The following SLC25A29 variants were observed in gnomAD, a reference collection of about 807,000 sequenced individuals.
SLC25A29 encodes the protein solute carrier family 25 member 29.
A neutral mutation model predicts 10.0 loss-of-function variants in SLC25A29; 13 were observed. The ratio of observed to expected loss-of-function variants is 1.30; its 90% CI spans 0.85 to 2.07. SLC25A29 has a LOEUF of 2.07. SLC25A29 is among the 30% of genes most tolerant of loss of function. SLC25A29 has a pLI of 0.00. For missense variants in SLC25A29, 475 were observed against 447.6 expected, an observed-to-expected ratio of 1.06 and a Z score of -0.55; for synonymous variants, 244 against 221.1, an observed-to-expected ratio of 1.10 and a Z score of -0.92.
At position 100,306,335 on chromosome 14, in the gene SLC25A29, G is replaced by T; in HGVS notation, c.-103C>A. On this transcript the variant is annotated 5_prime_UTR_variant, in exon 1 of 4. Transcript: ENST00000359232. ...TCCCCGAGCGCGCGGTGCCGGGGCT[G>T]GGCCTGGCCGCTCCTCCTGGCGCGG... The T allele has an allele frequency of 5.2e-6, 6 of 1,161,368 alleles. No individual in the cohort carries two copies. Among genetic ancestry groups the T allele is most frequent in the Non-Finnish European group, 6.5e-6 (6 of 918,326 alleles). The allele number at this position is 1,161,368 out of a possible 1,614,324, so 71.9% of individuals were successfully genotyped here.
chr14:100,303,665 C>T (rs544308567), intron 1 of SLC25A29, among the ~76,000 whole-genome samples: 1 of 152,302 alleles, frequency 6.6e-6, no homozygotes, highest in East Asian at 1.9e-4. Context: ...TCTGAGCGCA[C>T]GAGGAGGCCT....
At chr14:100,286,473 G>GGGC (rs1555371669), downstream of SLC25A29, among the ~76,000 whole-genome samples, 1 of 141,838 alleles carries the variant, frequency 7.1e-6, no homozygotes, top group African/African-American at 2.6e-5. Context: ...GCATGGCTGG[G>GGGC]GGGGGGGGTG....
At position 100,293,529 on chromosome 14, in the gene SLC25A29, C is replaced by T. The variant is rs937708615; in HGVS notation, c.79-152G>A. On this transcript the variant is annotated intron_variant, in intron 2 of 3. Coordinates refer to ENST00000359232, the MANE Select transcript of SLC25A29 (RefSeq NM_001039355.3). ...TTTGTAATTCCAGGGCAGGGTGGGC[C>T]GGGTATCTATGCCTTCTCAGGATGG... 60 of 605,504 alleles carry T rather than the reference C, an allele frequency of 9.9e-5. 1 individual carries two copies. In the Admixed American group the frequency reaches 1.3e-3, roughly 13 times the overall value. The allele number at this position is 605,504 out of a possible 1,614,324, so 37.5% of individuals were successfully genotyped here.
intron 2 of SLC25A29, chr14:100,295,274 G>C (rs1892060869): frequency 4.7e-6 from 1 of 214,850 alleles, no homozygotes; most frequent in African/African-American, 2.3e-5. Flanking sequence ...CTGTGGCCCA[G>C]TGTCCCAAGT....
At chr14:100,296,955 C>A (rs372838403) in intron 2 of SLC25A29, among the ~76,000 whole-genome samples, 2 of 151,708 alleles carry the variant, frequency 1.3e-5, no homozygotes, top group African/African-American at 4.8e-5. Flanking sequence ...AGTAGCCAGG[C>A]GTGCTGGCAC....
chr14:100,293,036 C>A lies in SLC25A29; in HGVS notation c.163-4G>T, dbSNP rs1294692236. On this transcript the variant is annotated splice_region_variant and splice_polypyrimidine_tract_variant and intron_variant, in intron 3 of 3. Coordinates refer to ENST00000359232, the MANE Select transcript of SLC25A29 (RefSeq NM_001039355.3). ...GGCCCTTGTACAGGCCCAGCACCTG[C>A]GGGGACAGAGACGCCATCAGAGCCG... 6 of 1,529,824 alleles carry A rather than the reference C, an allele frequency of 3.9e-6. No homozygotes were observed. Among genetic ancestry groups the A allele is most frequent in the Non-Finnish European group, 5.3e-6 (6 of 1,142,192 alleles). 94.8% of individuals were successfully genotyped at this position (1,529,824 alleles called of 1,614,324 possible).
At chr14:100,299,204 GCACA>G in intron 1 of SLC25A29, 1 of 1,240,070 alleles carries the variant, frequency 8.1e-7, no homozygotes, top group Admixed American at 4.0e-5. Flanking sequence ...CTGGGAGGCT[GCACA>G]CACTATTTCT....
chr14:100,304,721 G>A (rs570873121), intron 1 of SLC25A29, among the ~76,000 whole-genome samples: 275 of 152,334 alleles, frequency 1.8e-3, no homozygotes, highest in African/African-American at 6.3e-3. Context: ...GAGGCTGCGC[G>A]AGCGACGTGC....
rs575664537 is a variant in SLC25A29 at position 100,299,658 on chromosome 14, G to A, written c.35-773C>T. On this transcript the variant is annotated intron_variant, in intron 1 of 3. Coordinates refer to ENST00000359232, the MANE Select transcript of SLC25A29 (RefSeq NM_001039355.3). ...CCAGAGTCCTAAATGCTGTGCAGGT[G>A]GTAACCATCTCTGAGTCTTGCCACC... 16 of 985,446 alleles carry A rather than the reference G, an allele frequency of 1.6e-5. No homozygotes were observed. The African/African-American group carries it at 2.3e-4, about 14-fold the overall frequency. 61.0% of individuals were successfully genotyped at this position (985,446 alleles called of 1,614,324 possible).
the SLC25A29 span, chr14:100,282,853 CA>C: frequency 6.6e-6 from 1 of 152,226 alleles, no homozygotes; most frequent in Non-Finnish European, 1.5e-5. Context: ...TTTCACTGCA[CA>C]TGAAACCAGG....
At chr14:100,294,327 A>G (rs1484270698) in intron 2 of SLC25A29, 1 of 152,208 alleles carries the variant, frequency 6.6e-6, no homozygotes, top group Non-Finnish European at 1.5e-5. Context: ...AACCTCTTCC[A>G]TGTCAAAGTG....
At chr14:100,298,302 G>A (rs6575770) in intron 2 of SLC25A29, 146,925 of 158,044 alleles carry the variant, frequency 0.93, 69,184 homozygotes, top group Non-Finnish European at 1. Context: ...CAGCTGGAGG[G>A]CATAGATTTC....
At chr14:100,299,615 T>C (rs1892408004) in intron 1 of SLC25A29, 1 of 985,674 alleles carries the variant, frequency 1.0e-6, no homozygotes, top group Non-Finnish European at 1.2e-6. Context: ...CCCTCCAAAA[T>C]GGCTCACAAA....
chr14:100,295,353 C>T (rs146222182), intron 2 of SLC25A29: 5 of 319,202 alleles, frequency 1.6e-5, no homozygotes, highest in South Asian at 2.6e-5. Context: ...TTGATGGGAA[C>T]GGACCCACCC....
chr14:100,285,993 G>A, the SLC25A29 span, among the ~76,000 whole-genome samples: 1 of 152,106 alleles, frequency 6.6e-6, no homozygotes, highest in East Asian at 1.9e-4. Flanking sequence ...GCTCCACCAC[G>A]GGCGTGGCGG....
chr14:100,293,935 C>T (rs35022210), intron 2 of SLC25A29: 39,647 of 152,478 alleles, frequency 0.26, 5,343 homozygotes, highest in Admixed American at 0.35. Context: ...GCCTGGCCAA[C>T]GTGGCGAAAT....
chr14:100,296,392 G>A (rs868190838), intron 2 of SLC25A29: 117 of 228,176 alleles, frequency 5.1e-4, no homozygotes, highest in African/African-American at 2.3e-3. Flanking sequence ...TTGCACCACT[G>A]CACTCCACCT....
chr14:100,281,670 A>C, the SLC25A29 span: 1 of 152,248 alleles, frequency 6.6e-6, no homozygotes, highest in South Asian at 2.1e-4. Context: ...ACGCCTTCAG[A>C]ATCATGCTTA....
intron 1 of SLC25A29, 30 bp downstream of exon 1, chr14:100,306,169 C>G (rs1320534763): frequency 2.1e-6 from 3 of 1,433,440 alleles, no homozygotes; most frequent in Non-Finnish European, 1.8e-6. Context: ...ACGCCTCGCC[C>G]CGGCCCGGCC....
Sources: allele counts gnomAD v4.1 joint callset (sites outside exome capture counted in the v4.1 genomes callset), GRCh38; gene constraint gnomAD v4.1.1; transcripts MANE v1.5; gene names NCBI Gene and HGNC (gene_info 2026-07-23, HGNC 2026-07-21).